Variants in CNOT1 observed in about 807,000 individuals in gnomAD.
CNOT1 encodes CCR4-NOT transcription complex subunit 1.
In CNOT1, 15 loss-of-function variants were observed where a neutral mutation model predicts 273.8. The ratio of observed to expected loss-of-function variants is 0.05; its 90% CI spans 0.04 to 0.08. CNOT1 has a LOEUF of 0.08. CNOT1 is among the 10% of genes least tolerant of loss of function. The pLI is 1.00. For missense variants in CNOT1, 1,644 were observed against 2,912.2 expected (o/e 0.56, Z 10.02); for synonymous variants, 1,022 against 1,005.5 (o/e 1.02, Z -0.31).
chr16:58,616,180 C>A lies in CNOT1; in HGVS notation c.-175+13548G>T, dbSNP rs141931661. On this transcript the variant is annotated intron_variant, in intron 1 of 48. Coordinates refer to ENST00000317147, the MANE Select transcript of CNOT1 (RefSeq NM_016284.5). ...GGAGTGCAGTGTCATGATCTCGGCT[C>A]ACTGCAACCTCCGCCTCCCGGGTTC... 3.4e-3 allele frequency among the ~76,000 whole-genome samples: 425 copies of A among 125,420 alleles called. 24 individuals carry two copies. The East Asian group carries it at 0.079, about 23-fold the overall frequency. 82.3% of individuals were successfully genotyped at this position (125,420 alleles called of 152,430 possible).
chr16:58,606,574 G>A (rs888443900), intron 1 of CNOT1, among the ~76,000 whole-genome samples: 3 of 152,080 alleles, frequency 2.0e-5, no homozygotes, highest in South Asian at 2.1e-4. Context: ...AGGCCGAGAC[G>A]GGAGGATCAC....
intron 44 of CNOT1, 152 bp from the exon 45 acceptor site, chr16:58,526,290 T>G: frequency 1.3e-6 from 1 of 746,500 alleles, no homozygotes; most frequent in East Asian, 2.7e-5. Flanking sequence ...TCAGTCTTTC[T>G]TTCTTTAGAA....
At chr16:58,594,500 A>G (rs2042179339) in intron 2 of CNOT1, among the ~76,000 whole-genome samples, 1 of 151,982 alleles carries the variant, frequency 6.6e-6, no homozygotes, top group East Asian at 1.9e-4. Flanking sequence ...ACCAAATTAT[A>G]TATTTTAAAA....
In CNOT1 at chr16:58,574,798, G is replaced by A. The variant is rs771449840; in HGVS notation, c.1828-38C>T. 14 of 1,579,042 alleles carry A rather than the reference G, an allele frequency of 8.9e-6. No homozygotes were observed. The South Asian group carries it at 1.7e-4, about 19-fold the overall frequency. On this transcript the variant is annotated intron_variant, in intron 15 of 48. Coordinates refer to ENST00000317147, the MANE Select transcript of CNOT1 (RefSeq NM_016284.5). ...AAAGTCTCTCAGTGTATTTAAAATT[G>A]ATCTTAAATGTTTTTGGATTAAAGA...
Position 58,602,571 on chromosome 16 carries a change from A to AAAC in CNOT1, c.-174-3061_-174-3060insGTT, listed in dbSNP as rs1389978247. ...CTGTCTCCAAAAAAAAAAAAAAAAA[A>AAAC]AAAAAACCCATCCATAAATTAGCCA... On this transcript the variant is annotated intron_variant, in intron 1 of 48. Coordinates refer to ENST00000317147, the MANE Select transcript of CNOT1 (RefSeq NM_016284.5). 9.7e-4 allele frequency among the ~76,000 whole-genome samples: 143 copies of AAAC among 148,150 alleles called. 1 individual carries two copies. The highest frequency in any genetic ancestry group is 3.1e-3 in the African/African-American group (125 of 40,534).
At chr16:58,543,183 A>G in intron 31 of CNOT1, 1 of 1,465,972 alleles carries the variant, frequency 6.8e-7, no homozygotes, top group Non-Finnish European at 9.0e-7. Context: ...ATTATTAACC[A>G]TGATATCTGA....
intron 1 of CNOT1, among the ~76,000 whole-genome samples, chr16:58,602,657 G>A (rs1249165248): frequency 6.7e-6 from 1 of 150,374 alleles, no homozygotes; most frequent in Non-Finnish European, 1.5e-5. Flanking sequence ...CTTAAACCCA[G>A]GAGGTGGAGG....
intron 39 of CNOT1, among the ~76,000 whole-genome samples, chr16:58,536,442 A>G (rs1015911902): frequency 1.3e-5 from 2 of 152,180 alleles, no homozygotes; most frequent in African/African-American, 4.8e-5. Flanking sequence ...TTCCTGCCAA[A>G]CTTGATTTTC....
intron 47 of CNOT1, 59 bp from the exon 48 acceptor site, chr16:58,521,376 C>T: frequency 2.0e-6 from 3 of 1,519,570 alleles, no homozygotes; most frequent in Admixed American, 2.2e-5. Context: ...CATGATTATT[C>T]TTCCATTACT....
chr16:58,605,574 C>T (rs765036356), intron 1 of CNOT1, among the ~76,000 whole-genome samples: 2 of 152,140 alleles, frequency 1.3e-5, no homozygotes, highest in Non-Finnish European at 2.9e-5. Flanking sequence ...CATTATCATG[C>T]CACTGGTATT....
At chr16:58,539,622 T>C in intron 35 of CNOT1, 146 bp downstream of exon 35, 2 of 682,036 alleles carry the variant, frequency 2.9e-6, no homozygotes, top group Non-Finnish European at 4.2e-6. Context: ...CATTCTACGT[T>C]GGAAAAAAAA....
chr16:58,523,348 A>T (rs1407398098), intron 47 of CNOT1, 22 bp downstream of exon 47: 1 of 1,560,064 alleles, frequency 6.4e-7, no homozygotes, highest in Non-Finnish European at 8.7e-7. Flanking sequence ...TGAAGCATTT[A>T]AAAAATAAGC....
chr16:58,569,693 C>T (rs1189443066), intron 16 of CNOT1, among the ~76,000 whole-genome samples: 1 of 139,080 alleles, frequency 7.2e-6, no homozygotes, highest in East Asian at 2.1e-4. Context: ...ATTATCCAGC[C>T]TGAGAAAATG....
In CNOT1 at chr16:58,551,733, C is replaced by T; in HGVS notation, c.3057G>A (p.Gln1019=). The T allele has an allele frequency of 6.2e-7, 1 of 1,614,162 alleles. No homozygotes were observed. The highest frequency in any genetic ancestry group is 8.5e-7 in the Non-Finnish European group (1 of 1,180,036). The change falls in exon 23 of 49, where the codon CAG becomes CAA. Residue 1019 remains glutamine, a synonymous_variant. Coordinates refer to ENST00000317147, the MANE Select transcript of CNOT1 (RefSeq NM_016284.5). ...ITTPGSIALA[Q]AQAQAQVPAK... ...CTGGAACCTGGGCCTGAGCCTGGGCCTGAGCCAGTGCAATACTTCCAGGGG... is the reference window on the plus strand; with the variant it reads ...CTGGAACCTGGGCCTGAGCCTGGGCTTGAGCCAGTGCAATACTTCCAGGGG...
chr16:58,624,340 A>G (rs1228139459), intron 1 of CNOT1, among the ~76,000 whole-genome samples: 2 of 152,250 alleles, frequency 1.3e-5, no homozygotes, highest in Non-Finnish European at 2.9e-5. Flanking sequence ...TTATGTTCTC[A>G]GAATCAACAA....
intron 16 of CNOT1, among the ~76,000 whole-genome samples, chr16:58,568,710 AC>A (rs2041154959): frequency 2.0e-5 from 3 of 152,052 alleles, no homozygotes; most frequent in African/African-American, 4.8e-5. Context: ...AAAAAAAAAA[AC>A]TTTGGAAGTA....
Position 58,539,976 on chromosome 16 carries a change from A to G in CNOT1, c.4801-17T>C. 6.3e-7 allele frequency: 1 copy of G among 1,593,898 alleles called. No homozygotes were observed. The highest frequency in any genetic ancestry group is 1.1e-5 in the South Asian group (1 of 88,668). ...CCAAGCTTGCTGTTTTACAGAAGGA[A>G]ACAACCAACAAGAGACAAAAGAATG... On this transcript the variant is annotated splice_polypyrimidine_tract_variant and intron_variant, in intron 34 of 48. Coordinates refer to ENST00000317147, the MANE Select transcript of CNOT1 (RefSeq NM_016284.5).
At chr16:58,591,775 C>G (rs2042064557) in intron 2 of CNOT1, among the ~76,000 whole-genome samples, 2 of 151,498 alleles carry the variant, frequency 1.3e-5, no homozygotes, top group South Asian at 4.2e-4. Context: ...AAAAAGTTAA[C>G]TATGGGATAC....
At chr16:58,598,050 G>C (rs998529306) in intron 2 of CNOT1, 7 of 177,490 alleles carry the variant, frequency 3.9e-5, no homozygotes, top group Middle Eastern at 2.4e-3. Context: ...GATCACCTGA[G>C]GTCAGGAGTT....
Sources: gnomAD v4.1 joint callset for allele counts (sites outside exome capture counted in the v4.1 genomes callset) on GRCh38, gnomAD v4.1.1 for gene constraint, MANE v1.5 for transcripts, NCBI Gene and HGNC (gene_info 2026-07-23, HGNC 2026-07-21) for gene names.